The following CRPPA variants were observed in gnomAD, a reference collection of about 807,000 sequenced individuals.
The protein encoded by CRPPA is CDP-L-ribitol pyrophosphorylase A, also known as D-ribitol-5-phosphate cytidylyltransferase.
A neutral mutation model predicts 52.0 loss-of-function variants in CRPPA; 43 were observed. The observed-to-expected ratio is 0.83, with a 90% CI of 0.65 to 1.07. The LOEUF is 1.07. Ranked by LOEUF, CRPPA falls within the 50% of genes least tolerant of loss-of-function variation. The probability of loss-of-function intolerance (pLI) is 0.00; values close to 1 mark genes in which losing one functional copy is unlikely to be tolerated. For synonymous variants in CRPPA, 250 were observed against 203.5 expected, an observed-to-expected ratio of 1.23 and a Z score of -1.94; for missense variants, 629 against 551.7, an observed-to-expected ratio of 1.14 and a Z score of -1.40.
chr7:16,227,869 G>T (rs187484306), intron 8 of CRPPA, among the ~76,000 whole-genome samples: 4 of 151,970 alleles, frequency 2.6e-5, no homozygotes, highest in Non-Finnish European at 5.9e-5. Context: ...TAGTTTCATA[G>T]ATTCTAATCT....
chr7:16,332,947 C>G (rs1038181246), intron 3 of CRPPA, among the ~76,000 whole-genome samples: 6 of 151,732 alleles, frequency 4.0e-5, no homozygotes, highest in Admixed American at 1.3e-4. Flanking sequence ...AAAAAAACCA[C>G]GCTAACATTA....
Position 16,285,761 on chromosome 7 carries a change from G to T in CRPPA, c.836-7535C>A, listed in dbSNP as rs7459327. On this transcript the variant is annotated intron_variant, in intron 5 of 9. Coordinates refer to ENST00000407010, the MANE Select transcript of CRPPA (RefSeq NM_001101426.4). ...ATGTTGGCCAGGCGCGGTAGCTCACGACTGTAATCCCAGCACTTTGGGAAG... is the reference window on the plus strand; with the variant it reads ...ATGTTGGCCAGGCGCGGTAGCTCACTACTGTAATCCCAGCACTTTGGGAAG... Among the ~76,000 whole-genome samples the T allele has an allele frequency of 4.6e-5, 7 of 151,304 alleles. 1 individual carries two copies. In the South Asian group the frequency reaches 1.3e-3, roughly 27 times the overall value.
intron 9 of CRPPA, among the ~76,000 whole-genome samples, chr7:16,136,564 T>G (rs894066814): frequency 6.6e-6 from 1 of 152,206 alleles, no homozygotes; most frequent in Non-Finnish European, 1.5e-5. Flanking sequence ...ACATAGATCC[T>G]GAAACAGAGT....
At chr7:16,285,914 G>T (rs1407799544) in intron 5 of CRPPA, among the ~76,000 whole-genome samples, 6 of 146,186 alleles carry the variant, frequency 4.1e-5, no homozygotes, top group Admixed American at 3.4e-4. Flanking sequence ...CCATCTACTT[G>T]GGTGGCTGAG....
At chr7:16,275,962 C>T (rs1257540852) in intron 6 of CRPPA, among the ~76,000 whole-genome samples, 1 of 151,600 alleles carries the variant, frequency 6.6e-6, no homozygotes, top group Non-Finnish European at 1.5e-5. Context: ...GACTGTAACC[C>T]AATATTTAAT....
At chr7:16,130,173 G>C (rs542678586) in intron 9 of CRPPA, among the ~76,000 whole-genome samples, 2 of 152,200 alleles carry the variant, frequency 1.3e-5, no homozygotes, top group South Asian at 4.1e-4. Context: ...ATAATTTTTT[G>C]TTAATGGGAA....
At chr7:16,140,799 T>C (rs568321974) in intron 9 of CRPPA, among the ~76,000 whole-genome samples, 1 of 152,346 alleles carries the variant, frequency 6.6e-6, no homozygotes, top group Non-Finnish European at 1.5e-5. Context: ...CTGCCATTTC[T>C]TACCAATAAA....
chr7:16,116,850 T>A (rs1405591), intron 9 of CRPPA, among the ~76,000 whole-genome samples: 1 of 151,912 alleles, frequency 6.6e-6, no homozygotes, highest in South Asian at 2.1e-4. Flanking sequence ...TGAATAAGAT[T>A]TGTAGCTTAC....
intron 3 of CRPPA, among the ~76,000 whole-genome samples, chr7:16,312,050 A>C (rs561131143): frequency 1.3e-5 from 2 of 152,204 alleles, no homozygotes; most frequent in East Asian, 3.9e-4. Context: ...AAAGTCAGGT[A>C]GTGTCAGTCC....
chr7:16,305,154 T>C (rs1398343791), intron 4 of CRPPA, among the ~76,000 whole-genome samples: 2 of 151,990 alleles, frequency 1.3e-5, no homozygotes, highest in African/African-American at 2.4e-5. Flanking sequence ...TACAATGTTA[T>C]CAAAAGGGGT....
intron 3 of CRPPA, among the ~76,000 whole-genome samples, chr7:16,364,695 T>G (rs1321725861): frequency 1.3e-5 from 2 of 152,228 alleles, no homozygotes; most frequent in Non-Finnish European, 2.9e-5. Flanking sequence ...CATCCAGATT[T>G]AAAGCATGAA....
chr7:16,403,863 T>C (rs541743027), intron 2 of CRPPA, among the ~76,000 whole-genome samples: 2 of 152,044 alleles, frequency 1.3e-5, no homozygotes, highest in East Asian at 3.9e-4. Flanking sequence ...AGCTGCTCTT[T>C]TACAGCTTTC....
intron 3 of CRPPA, among the ~76,000 whole-genome samples, chr7:16,320,290 G>A (rs542566996): frequency 1.3e-5 from 2 of 152,224 alleles, no homozygotes; most frequent in Non-Finnish European, 2.9e-5. Context: ...TTCAATTTAT[G>A]TTTGCATAAA....
chr7:16,250,791 T>C (rs148643570), intron 8 of CRPPA, among the ~76,000 whole-genome samples: 176 of 152,256 alleles, frequency 1.2e-3, no homozygotes, highest in African/African-American at 3.7e-3. Flanking sequence ...GTAAAGACCA[T>C]TGATGCTATA....
intron 8 of CRPPA, among the ~76,000 whole-genome samples, chr7:16,229,719 TA>T (rs1251647305): frequency 6.6e-6 from 1 of 152,164 alleles, no homozygotes; most frequent in Non-Finnish European, 1.5e-5. Flanking sequence ...TGTATACTTT[TA>T]CCAATAAGTT....
chr7:16,406,434 G>T, intron 1 of CRPPA, 97 bp from the exon 2 acceptor site: 2 of 1,072,550 alleles, frequency 1.9e-6, no homozygotes, highest in Non-Finnish European at 2.7e-6. Context: ...TATTTAAATA[G>T]GGAGATTAAA....
chr7:16,298,734 T>C (rs1008751478), intron 5 of CRPPA, among the ~76,000 whole-genome samples: 7 of 152,214 alleles, frequency 4.6e-5, no homozygotes, highest in African/African-American at 1.7e-4. Flanking sequence ...TGAGGGTGTT[T>C]CCAGAACAGA....
chr7:16,332,005 G>A (rs1216096757), intron 3 of CRPPA, among the ~76,000 whole-genome samples: 1 of 152,096 alleles, frequency 6.6e-6, no homozygotes, highest in East Asian at 1.9e-4. Flanking sequence ...ACCAAGCAAG[G>A]TAAATGCCAA....
intron 9 of CRPPA, among the ~76,000 whole-genome samples, chr7:16,128,959 T>C (rs941746599): frequency 6.6e-6 from 1 of 152,188 alleles, no homozygotes; most frequent in Non-Finnish European, 1.5e-5. Flanking sequence ...AGTCTTACAG[T>C]TCTGTTCCAA....
Sources: allele counts gnomAD v4.1 joint callset (sites outside exome capture counted in the v4.1 genomes callset), GRCh38; gene constraint gnomAD v4.1.1; transcripts MANE v1.5; gene names NCBI Gene and HGNC (gene_info 2026-07-23, HGNC 2026-07-21).